The following TNS1 variants were observed in gnomAD, a reference collection of about 807,000 sequenced individuals.
TNS1 encodes tensin-1.
Under a neutral mutation model 168.6 loss-of-function variants are expected in TNS1, and 62 were observed. That is an observed-to-expected ratio of 0.37 (90% CI 0.30 to 0.45). TNS1 has a LOEUF of 0.45. Among genes scored for constraint, TNS1 ranks in the 20% least tolerant of loss-of-function variants. The pLI is 1.00. For synonymous variants in TNS1, 934 were observed against 933.2 expected (o/e 1.00, Z -0.02); for missense variants, 2,240 against 2,339.4 (o/e 0.96, Z 0.88).
chr2:217,850,381 T>C lies in TNS1; in HGVS notation c.1430-1294A>G, dbSNP rs114326850. On this transcript the variant is annotated intron_variant, in intron 18 of 32. Coordinates refer to ENST00000682258, the MANE Select transcript of TNS1 (RefSeq NM_001387777.1). ...AGGGATCGTGAACACAAAAACAAGA[T>C]GTCTTCATGGGGGAGAGGGTCCTCT... 6.8e-3 allele frequency: 6,655 copies of C among 985,144 alleles called. 349 individuals carry two copies. The African/African-American group carries it at 0.11, about 16-fold the overall frequency. The allele number at this position is 985,144 out of a possible 1,614,324, so 61.0% of individuals were successfully genotyped here.
chr2:217,826,935 C>T (rs1257444934), intron 22 of TNS1, among the ~76,000 whole-genome samples: 2 of 152,062 alleles, frequency 1.3e-5, no homozygotes, highest in Non-Finnish European at 2.9e-5. Flanking sequence ...AAGGGGCACA[C>T]CCACCCTAAC....
At chr2:217,843,254 A>G (rs1946223736) in intron 19 of TNS1, among the ~76,000 whole-genome samples, 1 of 151,880 alleles carries the variant, frequency 6.6e-6, no homozygotes, top group South Asian at 2.1e-4. Context: ...CTCCTGGTTG[A>G]GCCTAATTTA....
At chr2:217,810,374 T>G in intron 28 of TNS1, 55 bp from the exon 29 acceptor site, 2 of 1,578,766 alleles carry the variant, frequency 1.3e-6, no homozygotes, top group Admixed American at 1.7e-5. Context: ...GAAGCACAAG[T>G]TTGGCTGGGC....
chr2:217,896,445 C>G (rs1226547467), intron 8 of TNS1, among the ~76,000 whole-genome samples: 1 of 152,140 alleles, frequency 6.6e-6, no homozygotes, highest in Non-Finnish European at 1.5e-5. Flanking sequence ...AGAAGACACA[C>G]AGAGAGACAC....
chr2:217,944,258 ACACCTGGGGCAGGAGAT>A (rs967469840), intron 3 of TNS1: 1 of 152,330 alleles, frequency 6.6e-6, no homozygotes, highest in African/African-American at 2.4e-5. Flanking sequence ...CAGGGCACAG[ACACCTGGGGCAGGAGAT>A]CACCAGGGAA....
chr2:217,946,172 A>G (rs1957100348), intron 3 of TNS1, among the ~76,000 whole-genome samples: 1 of 151,988 alleles, frequency 6.6e-6, no homozygotes, highest in Admixed American at 6.6e-5. Flanking sequence ...TCTCCTCCCT[A>G]TCAGCATTCA....
rs1028522757 is a variant in TNS1 at position 217,880,091 on chromosome 2, A to C, written c.1429+807T>G. ...AGTCCTACGACCAACTCAAGAAAAG[A>C]AGCTTGTGGCCAAACCCCAGGCAGG... is the stretch of plus-strand genomic sequence containing the variant. On this transcript the variant is annotated intron_variant, in intron 18 of 32. Transcript: ENST00000682258. The surrounding 1 kb of genome is among the most constrained non-coding windows in gnomAD (Gnocchi z 4.2). Among the ~76,000 whole-genome samples, 4 of 152,316 alleles carry C rather than the reference A, an allele frequency of 2.6e-5. No homozygotes were observed. In the East Asian group the frequency reaches 5.8e-4, roughly 22 times the overall value.
At chr2:218,019,043 C>T (rs963423614) in intron 1 of TNS1, among the ~76,000 whole-genome samples, 1 of 151,660 alleles carries the variant, frequency 6.6e-6, no homozygotes, top group Non-Finnish European at 1.5e-5. Context: ...CACCACTGCA[C>T]TACAGCCTGG....
intron 1 of TNS1, among the ~76,000 whole-genome samples, chr2:218,016,484 C>T (rs1958761318): frequency 6.6e-6 from 1 of 152,186 alleles, no homozygotes; most frequent in African/African-American, 2.4e-5. Context: ...CTGGGCTCCT[C>T]CCCAGGGCCC....
intron 1 of TNS1, among the ~76,000 whole-genome samples, chr2:218,009,619 C>G (rs1034692967): frequency 5.3e-5 from 8 of 152,146 alleles, no homozygotes; most frequent in African/African-American, 1.9e-4. Flanking sequence ...TCCCTCCTGC[C>G]GTCCCCCAGC....
chr2:217,890,676 G>A (rs931965993), intron 12 of TNS1: 95 of 484,702 alleles, frequency 2.0e-4, no homozygotes, highest in African/African-American at 1.3e-3. Flanking sequence ...CTAGACCAGC[G>A]CCTTCTTATC....
chr2:218,013,572 G>T (rs1327845733), upstream of TNS1, among the ~76,000 whole-genome samples: 2 of 152,086 alleles, frequency 1.3e-5, no homozygotes, highest in Non-Finnish European at 2.9e-5. Context: ...TGAAGAGCTG[G>T]TCACCATCCT....
At chr2:217,961,245 A>T (rs1957488980) in intron 3 of TNS1, among the ~76,000 whole-genome samples, 1 of 139,944 alleles carries the variant, frequency 7.1e-6, no homozygotes, top group Admixed American at 7.0e-5. Context: ...TCACACACAC[A>T]CACACACACA....
At chr2:217,879,039 A>C (rs1950447372) in intron 18 of TNS1, among the ~76,000 whole-genome samples, 2 of 152,176 alleles carry the variant, frequency 1.3e-5, no homozygotes, top group Admixed American at 1.3e-4. Flanking sequence ...CTGGAGGCTG[A>C]GAAGCTGGCC....
chr2:217,996,340 G>GC (rs942621641), intron 1 of TNS1, among the ~76,000 whole-genome samples: 1 of 152,136 alleles, frequency 6.6e-6, no homozygotes, highest in Non-Finnish European at 1.5e-5. Context: ...ACTGCCCCAT[G>GC]CCCCCTCACC....
At position 217,808,156 on chromosome 2, in the gene TNS1, G is replaced by A. The variant is rs199928011; in HGVS notation, c.5343-49C>T. ...GGTAAATCATCGTACTTTCTCCCTA[G>A]AGCCCAGCCCCACCCATGCCCAGAC... is the stretch of plus-strand genomic sequence containing the variant. On this transcript the variant is annotated intron_variant, in intron 31 of 32. Transcript: ENST00000682258. 4.4e-6 allele frequency: 7 copies of A among 1,604,146 alleles called. No individual in the cohort carries two copies. In the South Asian group the frequency reaches 6.7e-5, roughly 15 times the overall value.
At chr2:217,951,397 C>G (rs1325839949) in intron 3 of TNS1, among the ~76,000 whole-genome samples, 1 of 152,230 alleles carries the variant, frequency 6.6e-6, no homozygotes, top group Non-Finnish European at 1.5e-5. Context: ...AATTGACATA[C>G]TGTTCCTAGA....
intron 22 of TNS1, among the ~76,000 whole-genome samples, chr2:217,825,386 G>A (rs1943468159): frequency 2.0e-5 from 3 of 152,118 alleles, no homozygotes; most frequent in Non-Finnish European, 4.4e-5. Flanking sequence ...TAAGGCCTGG[G>A]AGGATGGCTC....
intron 1 of TNS1, among the ~76,000 whole-genome samples, chr2:218,026,862 G>T (rs1470878231): frequency 6.6e-6 from 1 of 152,220 alleles, no homozygotes; most frequent in East Asian, 1.9e-4. Context: ...TCCCCCATGG[G>T]AATGACGTCT....
Sources: allele counts gnomAD v4.1 joint callset (sites outside exome capture counted in the v4.1 genomes callset), GRCh38; gene constraint gnomAD v4.1.1; non-coding constraint Gnocchi (gnomAD v3.1); transcripts MANE v1.5; gene names NCBI Gene and HGNC (gene_info 2026-07-23, HGNC 2026-07-21).